Variants in TFDP2 observed in about 807,000 individuals in gnomAD.
TFDP2 encodes the protein transcription factor Dp-2.
In TFDP2, 17 loss-of-function variants were observed where a neutral mutation model predicts 59.3. The ratio of observed to expected loss-of-function variants is 0.29; its 90% CI spans 0.20 to 0.43. TFDP2 has a LOEUF of 0.43. Ranked by LOEUF, TFDP2 falls within the 20% of genes least tolerant of loss-of-function variation. The probability of loss-of-function intolerance (pLI) is 1.00; values close to 1 mark genes in which losing one functional copy is unlikely to be tolerated. For missense variants in TFDP2, 391 were observed against 528.8 expected (o/e 0.74, Z 2.56); for synonymous variants, 180 against 194.7 (o/e 0.92, Z 0.63).
chr3:141,988,314 A>T (rs892202209), intron 6 of TFDP2, among the ~76,000 whole-genome samples: 1 of 152,300 alleles, frequency 6.6e-6, no homozygotes, highest in Non-Finnish European at 1.5e-5. Context: ...GCCACTTACC[A>T]TAATGAGTAG....
intron 4 of TFDP2, among the ~76,000 whole-genome samples, chr3:142,001,872 T>C (rs1943800267): frequency 6.6e-6 from 1 of 152,070 alleles, no homozygotes; most frequent in Admixed American, 6.5e-5. Flanking sequence ...TGTTGTTTAG[T>C]TCTTTTATTT....
chr3:141,997,790 C>T (rs996106307), intron 4 of TFDP2, among the ~76,000 whole-genome samples: 5 of 124,586 alleles, frequency 4.0e-5, no homozygotes, highest in Non-Finnish European at 7.8e-5. Context: ...GCAGAGGTTA[C>T]AGTAAGCAGA....
rs887633113 is a variant in TFDP2, at chr3:142,149,230, G to A, written c.-140C>T. 15 of 397,508 alleles carry A rather than the reference G, an allele frequency of 3.8e-5. No homozygotes were observed. Among genetic ancestry groups the A allele is most frequent in the Non-Finnish European group, 6.7e-5 (15 of 225,380 alleles). 24.6% of individuals were successfully genotyped at this position (397,508 alleles called of 1,614,324 possible). A position where few individuals can be genotyped will look rare whatever the true frequency, so the allele number is the denominator to read the frequency against. ...GGCGGCCAAGCGAGGCTGTCGGGCC[G>A]AGCCAGGAGCGCGTCTTCGGGCGCC... On this transcript the variant is annotated 5_prime_UTR_variant, in exon 1 of 13. Transcript: ENST00000489671.
At chr3:142,043,957 C>G (rs61729566) in intron 3 of TFDP2, 51,099 of 760,146 alleles carry the variant, frequency 0.067, 1,960 homozygotes, top group Non-Finnish European at 0.088. Context: ...TGTACCCTTC[C>G]GCTTACCTAT....
intron 3 of TFDP2, among the ~76,000 whole-genome samples, chr3:142,023,122 CAA>C (rs765096570): frequency 6.4e-4 from 38 of 59,584 alleles, no homozygotes; most frequent in Admixed American, 2.1e-3. Context: ...CCCTCCGTCT[CAA>C]AAAAAAAAAA....
chr3:142,086,217 C>T (rs761500307), intron 3 of TFDP2, among the ~76,000 whole-genome samples: 1 of 152,152 alleles, frequency 6.6e-6, no homozygotes, highest in Non-Finnish European at 1.5e-5. Flanking sequence ...AACTCTTGTA[C>T]ACCATTTAAC....
chr3:142,130,945 C>A (rs1310953076), intron 1 of TFDP2, among the ~76,000 whole-genome samples: 1 of 140,486 alleles, frequency 7.1e-6, no homozygotes, highest in African/African-American at 3.2e-5. Context: ...CTCAGCTACT[C>A]GGGAGGCTGA....
At chr3:141,971,197 G>A (rs1204713222) in intron 8 of TFDP2, among the ~76,000 whole-genome samples, 1 of 151,628 alleles carries the variant, frequency 6.6e-6, no homozygotes, top group Non-Finnish European at 1.5e-5. Context: ...GTTCCTCACT[G>A]TCTCCTTGGG....
chr3:142,007,687 G>A (rs1404988696), intron 3 of TFDP2, among the ~76,000 whole-genome samples: 2 of 152,174 alleles, frequency 1.3e-5, no homozygotes, highest in African/African-American at 4.8e-5. Context: ...TGCTACTAGA[G>A]AGTCCCATCT....
chr3:142,040,531 G>A (rs563818160), intron 3 of TFDP2, among the ~76,000 whole-genome samples: 70 of 152,078 alleles, frequency 4.6e-4, no homozygotes, highest in Non-Finnish European at 7.5e-4. Context: ...GGGTTCAAGC[G>A]ATTCTTCTGC....
intron 3 of TFDP2, among the ~76,000 whole-genome samples, chr3:142,022,903 C>T (rs1364857400): frequency 6.6e-6 from 1 of 151,870 alleles, no homozygotes; most frequent in African/African-American, 2.4e-5. Context: ...GGGTGGATTA[C>T]GAAGTCAGGA....
At chr3:142,013,229 G>GAAC (rs1397001919) in intron 3 of TFDP2, among the ~76,000 whole-genome samples, 1 of 150,262 alleles carries the variant, frequency 6.7e-6, no homozygotes, top group Non-Finnish European at 1.5e-5. Context: ...ACAAGTTGAA[G>GAAC]ATCTAGAAAT....
At chr3:142,044,572 C>T (rs544311081) in intron 3 of TFDP2, among the ~76,000 whole-genome samples, 3 of 151,980 alleles carry the variant, frequency 2.0e-5, no homozygotes, top group South Asian at 4.2e-4. Flanking sequence ...AGTTTCACCA[C>T]GTTGGCCAGG....
At position 141,947,601 on chromosome 3, in the gene TFDP2, T is replaced by A. The variant is rs1178739448; in HGVS notation, c.*4912A>T. On this transcript the variant is annotated 3_prime_UTR_variant, in exon 13 of 13. Coordinates refer to ENST00000489671, the MANE Select transcript of TFDP2 (RefSeq NM_001178139.2). ...GGCTAATTTTTGTATTTTCTAATGA[T>A]TTTTCTACTGCATAGATTCAGTTGG... 1 of 152,070 alleles carries A rather than the reference T, an allele frequency of 6.6e-6. No homozygotes were observed. The highest frequency in any genetic ancestry group is 1.5e-5 in the Non-Finnish European group (1 of 68,010). The allele number at this position is 152,070 out of a possible 1,614,324, so 9.4% of individuals were successfully genotyped here. A position where few individuals can be genotyped will look rare whatever the true frequency, so the allele number is the denominator to read the frequency against.
At chr3:142,076,831 AG>A (rs2060474938) in intron 3 of TFDP2, among the ~76,000 whole-genome samples, 2 of 152,148 alleles carry the variant, frequency 1.3e-5, no homozygotes, top group African/African-American at 4.8e-5. Flanking sequence ...CTCCATTTAC[AG>A]GAACACCAAA....
chr3:142,064,710 A>C (rs2060020875), intron 3 of TFDP2, among the ~76,000 whole-genome samples: 1 of 152,174 alleles, frequency 6.6e-6, no homozygotes, highest in Admixed American at 6.5e-5. Flanking sequence ...ACTGGATGTT[A>C]TCCAATGTAA....
intron 1 of TFDP2, among the ~76,000 whole-genome samples, chr3:142,124,473 G>C (rs1297401108): frequency 6.6e-6 from 1 of 152,104 alleles, no homozygotes; most frequent in Non-Finnish European, 1.5e-5. Context: ...TGAATGCATT[G>C]GGTGAATTAT....
chr3:142,099,015 CT>C (rs1360640146), intron 2 of TFDP2, among the ~76,000 whole-genome samples: 4 of 152,170 alleles, frequency 2.6e-5, no homozygotes, highest in African/African-American at 9.7e-5. Context: ...ACAAAAGTAA[CT>C]CTTCACAAAA....
chr3:142,093,564 G>A (rs1478361495), intron 2 of TFDP2, among the ~76,000 whole-genome samples: 1 of 152,118 alleles, frequency 6.6e-6, no homozygotes, highest in Non-Finnish European at 1.5e-5. Flanking sequence ...ACAGTTCTTT[G>A]AAAGCAAGTA....
Sources: allele counts gnomAD v4.1 joint callset (sites outside exome capture counted in the v4.1 genomes callset), GRCh38; gene constraint gnomAD v4.1.1; transcripts MANE v1.5; gene names NCBI Gene and HGNC (gene_info 2026-07-23, HGNC 2026-07-21).